CD3G: variants seen among roughly 807,000 people sequenced by gnomAD.
CD3G encodes the protein T-cell surface glycoprotein CD3 gamma chain.
CD3G carries 24 observed loss-of-function variants against 28.3 expected under a neutral mutation model. The ratio of observed to expected loss-of-function variants is 0.85; its 90% CI spans 0.61 to 1.19. The LOEUF (loss-of-function observed/expected upper bound fraction) is 1.19, where lower values mean the gene tolerates loss of function less well. CD3G is among the 50% of genes most tolerant of loss of function. CD3G has a pLI of 0.00. For synonymous variants in CD3G, 71 were observed against 75.9 expected (o/e 0.93, Z 0.34); for missense variants, 211 against 210.0 (o/e 1.00, Z -0.03).
chr11:118,348,066 C>A (rs1332651862), intron 1 of CD3G, among the ~76,000 whole-genome samples: 1 of 152,196 alleles, frequency 6.6e-6, no homozygotes, highest in East Asian at 1.9e-4. Flanking sequence ...CACACCCACT[C>A]CTTGCCAGGG....
At position 118,353,332 on chromosome 11, in the gene CD3G, A is replaced by T. The variant is rs921561559; in HGVS notation, c.*232A>T. The T allele has an allele frequency of 6.6e-6, 1 of 152,128 alleles. No individual in the cohort carries two copies. The highest frequency in any genetic ancestry group is 2.4e-5 in the African/African-American group (1 of 41,412). The allele number at this position is 152,128 out of a possible 1,614,324, so 9.4% of individuals were successfully genotyped here. The stretch of plus-strand genomic sequence containing the variant: ...TCAGAAGCGCCACCTATTGGGGAAA[A>T]TTGTAAAAGAAAAATGAAAAGATCA... On this transcript the variant is annotated 3_prime_UTR_variant, in exon 7 of 7. Transcript: ENST00000532917.
At chr11:118,350,467 G>A in intron 3 of CD3G, 85 bp from the exon 4 acceptor site, 1 of 956,612 alleles carries the variant, frequency 1.0e-6, no homozygotes, top group Non-Finnish European at 1.7e-6. Context: ...CCTCCACAGC[G>A]GCATTATTGC....
At chr11:118,352,067 T>G (rs879766388) in intron 5 of CD3G, among the ~76,000 whole-genome samples, 10 of 151,676 alleles carry the variant, frequency 6.6e-5, no homozygotes, top group Non-Finnish European at 1.3e-4. Flanking sequence ...ACAAAAAAAA[T>G]TAACCAGGCG....
intron 5 of CD3G, among the ~76,000 whole-genome samples, chr11:118,351,940 C>G (rs1948413460): frequency 6.6e-6 from 1 of 151,920 alleles, no homozygotes. Flanking sequence ...TATAGACAGG[C>G]CATGGCTCAT....
intron 1 of CD3G, among the ~76,000 whole-genome samples, chr11:118,347,860 A>G (rs1024402124): frequency 6.6e-6 from 1 of 152,120 alleles, no homozygotes; most frequent in Non-Finnish European, 1.5e-5. Context: ...GGCTCAGGCA[A>G]TCTGCCCACC....
At chr11:118,349,522 CCT>C (rs1273107689) in intron 2 of CD3G, 8 of 625,162 alleles carry the variant, frequency 1.3e-5, no homozygotes, top group Non-Finnish European at 1.9e-5. Context: ...TTCTTCACCC[CCT>C]GACGCAGATA....
In CD3G at chr11:118,344,492, A is replaced by G. The variant is rs1221658161; in HGVS notation, c.55+14A>G. The G allele has an allele frequency of 9.0e-6, 14 of 1,558,384 alleles. No homozygotes were observed. Among genetic ancestry groups the G allele is most frequent in the Middle Eastern group, 1.7e-4 (1 of 6,022 alleles). Reference sequence around the variant, plus strand: ...TTCTTCTTCAAGGTAAGGGCCTACTAGGGGTCTGGAAGCCTGGGGAAGGGC... The same window carrying G: ...TTCTTCTTCAAGGTAAGGGCCTACTGGGGGTCTGGAAGCCTGGGGAAGGGC... On this transcript the variant is annotated intron_variant, in intron 1 of 6. Transcript: ENST00000532917.
intron 1 of CD3G, among the ~76,000 whole-genome samples, chr11:118,346,365 A>C (rs1303298284): frequency 1.3e-5 from 2 of 152,074 alleles, no homozygotes; most frequent in Non-Finnish European, 2.9e-5. Flanking sequence ...TGAACCCAGG[A>C]GATGGAGGTT....
chr11:118,345,266 A>G (rs1948345087), intron 1 of CD3G, among the ~76,000 whole-genome samples: 2 of 152,258 alleles, frequency 1.3e-5, no homozygotes, highest in South Asian at 4.1e-4. Context: ...AATCAAATGT[A>G]TGCACTACCT....
Position 118,354,818 on chromosome 11 carries a change from G to C in CD3G, c.*1718G>C, listed in dbSNP as rs1393781507. The stretch of plus-strand genomic sequence containing the variant: ...CATTTTTAAGTTGACTTATTTGTTT[G>C]TCTTCTTACTATTGGGTTGCATATG... On this transcript the variant is annotated 3_prime_UTR_variant, in exon 7 of 7. Coordinates refer to ENST00000532917, the MANE Select transcript of CD3G (RefSeq NM_000073.3). The C allele has an allele frequency of 6.6e-6, 1 of 151,910 alleles. No individual in the cohort carries two copies. Among genetic ancestry groups the C allele is most frequent in the Non-Finnish European group, 1.5e-5 (1 of 67,944 alleles). The allele number at this position is 151,910 out of a possible 1,614,324, so 9.4% of individuals were successfully genotyped here. A position where few individuals can be genotyped will look rare whatever the true frequency, so the allele number is the denominator to read the frequency against.
At chr11:118,352,579 A>G in intron 6 of CD3G, 92 bp downstream of exon 6, 1 of 889,158 alleles carries the variant, frequency 1.1e-6, no homozygotes. Context: ...CTAAGCGGCT[A>G]TAAGCATCAG....
chr11:118,345,224 A>G (rs1948344735), intron 1 of CD3G, among the ~76,000 whole-genome samples: 1 of 152,196 alleles, frequency 6.6e-6, no homozygotes. Flanking sequence ...CATTCCAGGA[A>G]AGAGATAAAA....
chr11:118,353,894 G>T lies in CD3G; in HGVS notation c.*794G>T, dbSNP rs1948430192. ...TAGGCATATATGAGCACATTCTCAA[G>T]TACATATTATCCTCCCTTCCCCTAT... On this transcript the variant is annotated 3_prime_UTR_variant, in exon 7 of 7. Transcript: ENST00000532917. The T allele has an allele frequency of 6.6e-6, 1 of 152,074 alleles. No homozygotes were observed. Among genetic ancestry groups the T allele is most frequent in the Non-Finnish European group, 1.5e-5 (1 of 68,010 alleles). The allele number at this position is 152,074 out of a possible 1,614,324, so 9.4% of individuals were successfully genotyped here.
In CD3G at chr11:118,349,920, AGT is replaced by A; in HGVS notation, c.260_261del (p.Cys87Ter). 6.2e-7 allele frequency: 1 copy of A among 1,614,198 alleles called. No homozygotes were observed. The highest frequency in any genetic ancestry group is 8.5e-7 in the Non-Finnish European group (1 of 1,180,036). On this transcript the variant is annotated frameshift_variant, in exon 3 of 7. Transcript: ENST00000532917. LOFTEE classifies it high-confidence loss of function. ...GCCAAGGACCCTCGAGGGATGTATC[AGT>A]GTAAAGGATCACAGAACAAGTCAAA...
chr11:118,344,530 C>T (rs1380753489), intron 1 of CD3G, 52 bp downstream of exon 1: 1 of 1,416,252 alleles, frequency 7.1e-7, no homozygotes, highest in Non-Finnish European at 9.8e-7. Context: ...AAGGGAAGAG[C>T]CCATCACTAG....
chr11:118,345,383 C>T (rs373095688), intron 1 of CD3G, among the ~76,000 whole-genome samples: 264 of 152,094 alleles, frequency 1.7e-3, no homozygotes, highest in African/African-American at 6.1e-3. Flanking sequence ...TTTAAGTCTG[C>T]GGGATGTGGC....
chr11:118,344,360 A>G lies in CD3G; in HGVS notation c.-64A>G. ...GGTGGAGCCAGTCTAGCTGCTGCAC[A>G]GGCTGGCTGGCTGGCTGGCTGCTAA... is the stretch of plus-strand genomic sequence containing the variant. On this transcript the variant is annotated 5_prime_UTR_variant, in exon 1 of 7. Coordinates refer to ENST00000532917, the MANE Select transcript of CD3G (RefSeq NM_000073.3). The G allele has an allele frequency of 7.2e-7, 1 of 1,389,640 alleles. No homozygotes were observed. 86.1% of individuals were successfully genotyped at this position (1,389,640 alleles called of 1,614,324 possible).
In CD3G at chr11:118,353,288, T is replaced by A. The variant is rs1043367320; in HGVS notation, c.*188T>A. ...GGGGGTTTCTCAAATAAAATAAAAA[T>A]AAAAACAAATACTGTGTTTCAGAAG... On this transcript the variant is annotated 3_prime_UTR_variant, in exon 7 of 7. Coordinates refer to ENST00000532917, the MANE Select transcript of CD3G (RefSeq NM_000073.3). The A allele has an allele frequency of 1.3e-5, 2 of 151,970 alleles. No individual in the cohort carries two copies. Among genetic ancestry groups the A allele is most frequent in the East Asian group, 3.9e-4 (2 of 5,184 alleles). 9.4% of individuals were successfully genotyped at this position (151,970 alleles called of 1,614,324 possible).
chr11:118,350,901 A>C, intron 4 of CD3G: 3 of 1,197,344 alleles, frequency 2.5e-6, no homozygotes, highest in Non-Finnish European at 3.2e-6. Context: ...AAAAAAAAAA[A>C]AACAAAAACA....
Sources: allele counts gnomAD v4.1 joint callset (sites outside exome capture counted in the v4.1 genomes callset), GRCh38; gene constraint gnomAD v4.1.1; transcripts MANE v1.5; gene names NCBI Gene and HGNC (gene_info 2026-07-23, HGNC 2026-07-21).